Variants in RPS6KC1 observed in about 807,000 individuals in gnomAD.
The protein encoded by RPS6KC1 is ribosomal protein S6 kinase C1.
In RPS6KC1, 54 loss-of-function variants were observed where a neutral mutation model predicts 103.8. The observed-to-expected ratio is 0.52, with a 90% CI of 0.42 to 0.65. The LOEUF is 0.65. RPS6KC1 is among the 30% of genes least tolerant of loss of function. The pLI, the probability that RPS6KC1 is intolerant of heterozygous loss-of-function variation, is 0.00. For synonymous variants in RPS6KC1, 439 were observed against 438.7 expected, an observed-to-expected ratio of 1.00 and a Z score of -0.01; for missense variants, 1,151 against 1,253.8, an observed-to-expected ratio of 0.92 and a Z score of 1.24.
chr1:213,744,731 T>G, the RPS6KC1 span, among the ~76,000 whole-genome samples: 1 of 152,266 alleles, frequency 6.6e-6, no homozygotes, highest in Non-Finnish European at 1.5e-5. Flanking sequence ...CACTCCAGCT[T>G]TCTGGGAGAG....
At chr1:213,577,784 C>T in the RPS6KC1 span, among the ~76,000 whole-genome samples, 1 of 152,196 alleles carries the variant, frequency 6.6e-6, no homozygotes, top group Admixed American at 6.5e-5. Flanking sequence ...CAGTTTTATT[C>T]ATTCACAAAG....
At chr1:213,324,593 C>CT in the RPS6KC1 span, among the ~76,000 whole-genome samples, 525 of 81,788 alleles carry the variant, frequency 6.4e-3, 13 homozygotes, top group African/African-American at 0.017. Flanking sequence ...GCTCGATATG[C>CT]TTTTTTTTTT....
the RPS6KC1 span, among the ~76,000 whole-genome samples, chr1:213,452,157 G>C: frequency 5.9e-5 from 9 of 152,196 alleles, no homozygotes; most frequent in African/African-American, 1.9e-4. Flanking sequence ...TTTAGGTCAG[G>C]CTGCATTCAG....
chr1:213,616,172 A>G, the RPS6KC1 span, among the ~76,000 whole-genome samples: 1 of 152,240 alleles, frequency 6.6e-6, no homozygotes, highest in Non-Finnish European at 1.5e-5. Context: ...CAGAAAAAGG[A>G]TATTAAAAAC....
the RPS6KC1 span, among the ~76,000 whole-genome samples, chr1:213,363,625 G>GCTTGCTTT: frequency 8.3e-4 from 61 of 73,750 alleles, no homozygotes; most frequent in East Asian, 1.3e-3. Context: ...TTGCTTGCTT[G>GCTTGCTTT]CTTTCTTTCT....
intron 12 of RPS6KC1, among the ~76,000 whole-genome samples, chr1:213,250,322 C>T (rs1460476069): frequency 3.3e-5 from 5 of 152,136 alleles, no homozygotes; most frequent in Non-Finnish European, 4.4e-5. Flanking sequence ...CTGGATAATA[C>T]GCTAATTAGA....
chr1:213,176,378 A>T lies in RPS6KC1; in HGVS notation c.952-22A>T, dbSNP rs575430632. The T allele has an allele frequency of 3.8e-5, 58 of 1,542,500 alleles. 1 individual carries two copies. In the South Asian group the frequency reaches 5.6e-4, roughly 15 times the overall value. On this transcript the variant is annotated intron_variant, in intron 7 of 14. Transcript: ENST00000366960. ...TCAAGTACCTCCCTGATTGATGTAT[A>T]ATCTTTGATATCTTCCATTAGCCTC...
At chr1:213,073,425 G>A (rs536239379) in intron 2 of RPS6KC1, among the ~76,000 whole-genome samples, 8 of 152,272 alleles carry the variant, frequency 5.3e-5, no homozygotes, top group Non-Finnish European at 1.0e-4. Context: ...AAGATCTGTG[G>A]CCTGTCATTC....
the RPS6KC1 span, among the ~76,000 whole-genome samples, chr1:213,465,120 C>G: frequency 6.6e-6 from 1 of 152,180 alleles, no homozygotes; most frequent in Non-Finnish European, 1.5e-5. Context: ...GTAGGATCAT[C>G]CAAGACCTCT....
the RPS6KC1 span, among the ~76,000 whole-genome samples, chr1:213,319,917 G>A: frequency 1.3e-5 from 2 of 152,320 alleles, no homozygotes; most frequent in East Asian, 3.9e-4. Context: ...TGGGGGCAGT[G>A]TATAGCCAAA....
the RPS6KC1 span, among the ~76,000 whole-genome samples, chr1:213,847,605 G>A: frequency 3.3e-5 from 5 of 152,310 alleles, no homozygotes; most frequent in South Asian, 6.2e-4. Context: ...GACAGGTGAG[G>A]CTGAAACCCA....
chr1:213,663,419 T>G, the RPS6KC1 span, among the ~76,000 whole-genome samples: 2 of 152,178 alleles, frequency 1.3e-5, no homozygotes, highest in East Asian at 3.9e-4. Context: ...GGACTGGAAT[T>G]GAGAACTCAT....
At chr1:213,090,891 G>A (rs565094821) in intron 3 of RPS6KC1, among the ~76,000 whole-genome samples, 1 of 152,328 alleles carries the variant, frequency 6.6e-6, no homozygotes, top group East Asian at 1.9e-4. Context: ...GAAATAGCAA[G>A]AAGAGTGGTG....
chr1:213,700,811 G>A, the RPS6KC1 span, among the ~76,000 whole-genome samples: 4 of 151,786 alleles, frequency 2.6e-5, no homozygotes, highest in African/African-American at 4.8e-5. Flanking sequence ...AATCTTATTT[G>A]TGGCTATGGT....
At chr1:213,307,475 C>T in the RPS6KC1 span, among the ~76,000 whole-genome samples, 1 of 152,306 alleles carries the variant, frequency 6.6e-6, no homozygotes, top group Admixed American at 6.5e-5. Context: ...TTATGTTTTT[C>T]TCTGCCTACC....
At chr1:213,493,174 A>G in the RPS6KC1 span, among the ~76,000 whole-genome samples, 5 of 152,208 alleles carry the variant, frequency 3.3e-5, no homozygotes, top group African/African-American at 1.2e-4. Flanking sequence ...GTAGCTTCAG[A>G]AATGAAATTA....
chr1:213,055,087 A>G (rs2077226654), intron 1 of RPS6KC1, among the ~76,000 whole-genome samples: 1 of 152,244 alleles, frequency 6.6e-6, no homozygotes, highest in Non-Finnish European at 1.5e-5. Context: ...ACATTGAGTC[A>G]TAATTTATAT....
At chr1:213,387,143 A>T in the RPS6KC1 span, among the ~76,000 whole-genome samples, 1 of 152,222 alleles carries the variant, frequency 6.6e-6, no homozygotes, top group Non-Finnish European at 1.5e-5. Flanking sequence ...CATGAAGAGG[A>T]TCTAGAGAGT....
chr1:213,837,260 A>G, the RPS6KC1 span: 1 of 152,156 alleles, frequency 6.6e-6, no homozygotes, highest in Admixed American at 6.5e-5. Flanking sequence ...CTAAGGCAAG[A>G]TATTTGTTTT....
Sources: allele counts gnomAD v4.1 joint callset (sites outside exome capture counted in the v4.1 genomes callset), GRCh38; gene constraint gnomAD v4.1.1; transcripts MANE v1.5; gene names NCBI Gene and HGNC (gene_info 2026-07-23, HGNC 2026-07-21).